The following AGFG2 variants were observed in gnomAD, a reference collection of about 807,000 sequenced individuals.
AGFG2 encodes ArfGAP with FG repeats 2, also known as arf-GAP domain and FG repeat-containing protein 2.
Under a neutral mutation model 48.0 loss-of-function variants are expected in AGFG2, and 31 were observed. The observed-to-expected ratio is 0.65, with a 90% confidence interval of 0.49 to 0.87. AGFG2 has a LOEUF of 0.87. Among genes scored for constraint, AGFG2 ranks in the 40% least tolerant of loss-of-function variants. The pLI, the probability that AGFG2 is intolerant of heterozygous loss-of-function variation, is 0.00. For synonymous variants in AGFG2, 229 were observed against 260.8 expected (o/e 0.88, Z 1.18); for missense variants, 599 against 632.6 (o/e 0.95, Z 0.57).
Position 100,539,507 on chromosome 7 carries a change from G to T in AGFG2, c.161G>T (p.Gly54Val), listed in dbSNP as rs1800380525. 1 of 1,316,918 alleles carries T rather than the reference G, an allele frequency of 7.6e-7. No homozygotes were observed. The highest frequency in any genetic ancestry group is 1.5e-5 in the African/African-American group (1 of 65,368). 81.6% of individuals were successfully genotyped at this position (1,316,918 alleles called of 1,614,324 possible). A position where few individuals can be genotyped will look rare whatever the true frequency, so the allele number is the denominator to read the frequency against. ...CACTGCTTCGAGTGCGCCCAGCGCGGGGTCACCTACGTGGATATCACCGTG... is the reference window on the plus strand; with the variant it reads ...CACTGCTTCGAGTGCGCCCAGCGCGTGGTCACCTACGTGGATATCACCGTG... ...NRHCFECAQR[G>V]VTYVDITVGS... is the part of the protein sequence containing the mutation. Residue 54 changes from glycine (G) to valine (V), a missense_variant, in exon 1 of 12, where the codon GGG becomes GTG. Coordinates refer to ENST00000300176, the MANE Select transcript of AGFG2 (RefSeq NM_006076.5).
rs1417403932 is a variant in AGFG2, at chr7:100,567,857, C to A, written c.*2866C>A. 1 of 152,296 alleles carries A rather than the reference C, an allele frequency of 6.6e-6. No individual in the cohort carries two copies. The highest frequency in any genetic ancestry group is 2.4e-5 in the African/African-American group (1 of 41,460). The allele number at this position is 152,296 out of a possible 1,614,324, so 9.4% of individuals were successfully genotyped here. ...CCACTCAAGTTACCAGGGCTACCGGCTGAAATAAATCTTTTCCGGGTAGGG... is the reference window on the plus strand; with the variant it reads ...CCACTCAAGTTACCAGGGCTACCGGATGAAATAAATCTTTTCCGGGTAGGG... On this transcript the variant is annotated 3_prime_UTR_variant, in exon 12 of 12. Coordinates refer to ENST00000300176, the MANE Select transcript of AGFG2 (RefSeq NM_006076.5).
intron 6 of AGFG2, among the ~76,000 whole-genome samples, chr7:100,560,304 G>A (rs530669293): frequency 6.0e-4 from 91 of 151,930 alleles, no homozygotes; most frequent in African/African-American, 1.8e-3. Context: ...TCAGCCTCCC[G>A]TGTAGTTGGG....
At position 100,565,850 on chromosome 7, in the gene AGFG2, C is replaced by T. The variant is rs1460778301; in HGVS notation, c.*859C>T. The T allele has an allele frequency of 6.6e-6, 1 of 150,796 alleles. No homozygotes were observed. The highest frequency in any genetic ancestry group is 2.4e-5 in the African/African-American group (1 of 40,864). 9.3% of individuals were successfully genotyped at this position (150,796 alleles called of 1,614,324 possible). ...TCCTGACCCCCACCATCCCCAGAGC[C>T]TGGGTTTTCCAGGGAAAGGCTTTGT... On this transcript the variant is annotated 3_prime_UTR_variant, in exon 12 of 12. Coordinates refer to ENST00000300176, the MANE Select transcript of AGFG2 (RefSeq NM_006076.5).
rs1447986280 is a variant in AGFG2 at position 100,565,064 on chromosome 7, G to A, written c.*73G>A. On this transcript the variant is annotated 3_prime_UTR_variant, in exon 12 of 12. Transcript: ENST00000300176. ...CTCCCTAGAGCTCTGGTGACCACTT[G>A]CCTGTGGGCATTTCTATGGGCCTTG... is the stretch of plus-strand genomic sequence containing the variant. 10 of 1,510,132 alleles carry A rather than the reference G, an allele frequency of 6.6e-6. No individual in the cohort carries two copies. The highest frequency in any genetic ancestry group is 9.2e-6 in the Non-Finnish European group (10 of 1,085,722). 93.5% of individuals were successfully genotyped at this position (1,510,132 alleles called of 1,614,324 possible).
chr7:100,540,620 A>C (rs988461690), intron 1 of AGFG2, among the ~76,000 whole-genome samples: 24 of 152,246 alleles, frequency 1.6e-4, no homozygotes, highest in Non-Finnish European at 2.2e-4. Flanking sequence ...ATCTGATATC[A>C]GGCCTGGATC....
rs748026655 is a variant in AGFG2, at chr7:100,562,942, G to T, written c.1167G>T (p.Ala389=). 1.9e-6 allele frequency: 3 copies of T among 1,613,272 alleles called. No individual in the cohort carries two copies. The highest frequency in any genetic ancestry group is 2.5e-6 in the Non-Finnish European group (3 of 1,179,488). ...ACCCGTTCCAGCCCAATGGCTTGGCGCCAGGTAAGCCTCCAGCATGGTCCC... is the reference window on the plus strand; with the variant it reads ...ACCCGTTCCAGCCCAATGGCTTGGCTCCAGGTAAGCCTCCAGCATGGTCCC... The part of the protein sequence containing the change: ...STNPFQPNGL[A]PGPGFGMSSA... Residue 389 remains alanine, a synonymous_variant, in exon 9 of 12, where the codon GCG becomes GCT. Transcript: ENST00000300176. The surrounding 1 kb of genome is among the most constrained non-coding windows in gnomAD (Gnocchi z 5.4).
At chr7:100,539,865 G>T (rs1800389726) in intron 1 of AGFG2, among the ~76,000 whole-genome samples, 1 of 152,104 alleles carries the variant, frequency 6.6e-6, no homozygotes, top group South Asian at 2.1e-4. Context: ...AACTGCAAGT[G>T]GGGAGGGAGA....
At chr7:100,563,511 T>A (rs1800927178) in intron 9 of AGFG2, among the ~76,000 whole-genome samples, 1 of 152,128 alleles carries the variant, frequency 6.6e-6, no homozygotes, top group African/African-American at 2.4e-5. Context: ...AGACGGACTG[T>A]CCCCATTTTA....
rs201736820 is a variant in AGFG2, at chr7:100,563,991, C to T, written c.1300+29C>T. ...AGAGCTGTAGATGGACAAACCCTTT[C>T]ACCCCATCCCATCTCTGCATAGAGA... On this transcript the variant is annotated intron_variant, in intron 10 of 11. Transcript: ENST00000300176. 44 of 1,601,392 alleles carry T rather than the reference C, an allele frequency of 2.7e-5. 1 individual carries two copies. The highest frequency in any genetic ancestry group is 2.2e-4 in the Middle Eastern group (1 of 4,478).
In AGFG2 at chr7:100,553,407, T is replaced by C; in HGVS notation, c.492T>C (p.Pro164=). The change falls in exon 4 of 12, where the codon CCT becomes CCC. Residue 164 remains proline (P), a synonymous_variant. Transcript: ENST00000300176. Reference sequence around the variant, plus strand: ...ATACCAAAGGCAGTGCCTCCACCCCTGTGCAGGGCTCCATCCCAGAAGGGA... The same window carrying C: ...ATACCAAAGGCAGTGCCTCCACCCCCGTGCAGGGCTCCATCCCAGAAGGGA... ...PTYTKGSAST[P]VQGSIPEGKP... 6.2e-7 allele frequency: 1 copy of C among 1,614,196 alleles called. No individual in the cohort carries two copies. Among genetic ancestry groups the C allele is most frequent in the Non-Finnish European group, 8.5e-7 (1 of 1,180,022 alleles).
At chr7:100,557,018 T>G (rs958457264) in intron 6 of AGFG2, among the ~76,000 whole-genome samples, 3 of 151,956 alleles carry the variant, frequency 2.0e-5, no homozygotes, top group Admixed American at 6.6e-5. Context: ...GCCAACATGG[T>G]GAAACACCGT....
rs752608216 is a variant in AGFG2, at chr7:100,563,831, T to C, written c.1172-3T>C. On this transcript the variant is annotated splice_region_variant and splice_polypyrimidine_tract_variant and intron_variant, in intron 9 of 11. Coordinates refer to ENST00000300176, the MANE Select transcript of AGFG2 (RefSeq NM_006076.5). ...CCTGAGCCTCCCGTCTTTCACTCCATAGGGCCCGGCTTTGGGATGAGCAGT... is the reference window on the plus strand; with the variant it reads ...CCTGAGCCTCCCGTCTTTCACTCCACAGGGCCCGGCTTTGGGATGAGCAGT... 3.1e-6 allele frequency: 5 copies of C among 1,611,310 alleles called. No homozygotes were observed. The highest frequency in any genetic ancestry group is 1.1e-5 in the South Asian group (1 of 91,074).
chr7:100,558,123 A>G (rs993959363), intron 6 of AGFG2, among the ~76,000 whole-genome samples: 2 of 152,148 alleles, frequency 1.3e-5, no homozygotes, highest in Non-Finnish European at 2.9e-5. Flanking sequence ...CTGAGGCAGG[A>G]GAATCACTTG....
At chr7:100,556,825 A>T (rs1800768193) in intron 6 of AGFG2, among the ~76,000 whole-genome samples, 1 of 152,182 alleles carries the variant, frequency 6.6e-6, no homozygotes, top group South Asian at 2.1e-4. Context: ...CAGCCTTCTC[A>T]CTGTGCCACT....
chr7:100,552,943 G>A (rs1800677623), intron 3 of AGFG2, among the ~76,000 whole-genome samples: 1 of 152,148 alleles, frequency 6.6e-6, no homozygotes, highest in Admixed American at 6.5e-5. Flanking sequence ...GAGGCCAAGA[G>A]GTTGAGACCA....
chr7:100,549,757 A>G (rs888758511), intron 2 of AGFG2, among the ~76,000 whole-genome samples: 54 of 152,186 alleles, frequency 3.5e-4, no homozygotes, highest in African/African-American at 1.3e-3. Flanking sequence ...TAATGGTGCA[A>G]TCTTGGCTCA....
chr7:100,551,068 T>TATATATA (rs1800632184), intron 3 of AGFG2, among the ~76,000 whole-genome samples: 5 of 59,210 alleles, frequency 8.4e-5, no homozygotes, highest in South Asian at 6.0e-4. Flanking sequence ...ATATATATAT[T>TATATATA]TCTTTTTTTT....
chr7:100,563,752 C>T (rs1800932609), intron 9 of AGFG2, 82 bp from the exon 10 acceptor site: 3 of 1,573,448 alleles, frequency 1.9e-6, no homozygotes, highest in Non-Finnish European at 1.7e-6. Context: ...CCCATTTTCC[C>T]ATCTTGGAGG....
At chr7:100,550,752 G>T (rs1030180554) in intron 3 of AGFG2, among the ~76,000 whole-genome samples, 13 of 152,076 alleles carry the variant, frequency 8.5e-5, no homozygotes, top group African/African-American at 3.1e-4. Context: ...TTGGAGTCGG[G>T]AGGTAGGCCT....
Sources: gnomAD v4.1 joint callset for allele counts (sites outside exome capture counted in the v4.1 genomes callset) on GRCh38, gnomAD v4.1.1 for gene constraint, Gnocchi (gnomAD v3.1) non-coding constraint, MANE v1.5 for transcripts, NCBI Gene and HGNC (gene_info 2026-07-23, HGNC 2026-07-21) for gene names.